Variants in USP14 observed in about 807,000 individuals in gnomAD.
USP14 encodes the protein ubiquitin carboxyl-terminal hydrolase 14.
A neutral mutation model predicts 76.5 loss-of-function variants in USP14; 38 were observed. That is an observed-to-expected ratio of 0.50 (90% CI 0.38 to 0.65). The LOEUF is 0.65. Ranked by LOEUF, USP14 falls within the 30% of genes least tolerant of loss-of-function variation. The pLI is 0.00. For synonymous variants in USP14, 192 were observed against 191.7 expected (o/e 1.00, Z -0.01); for missense variants, 467 against 586.5 (o/e 0.80, Z 2.10).
chr18:210,014 CCTTTT>C lies in USP14; in HGVS notation c.1214_1218del (p.Ser405CysfsTer2), dbSNP rs755277317. The C allele has an allele frequency of 6.2e-7, 1 of 1,603,200 alleles. No homozygotes were observed. Among genetic ancestry groups the C allele is most frequent in the South Asian group, 1.1e-5 (1 of 88,526 alleles). On this transcript the variant is annotated frameshift_variant, in exon 14 of 16. Transcript: ENST00000261601. LOFTEE classifies it high-confidence loss of function. ...CCCCAGAAAGAAGTTAAGTATGAAC[CCTTTT>C]CTTTTGCTGATGGTAAGTAACATTC...
chr18:190,231 G>A (rs1194303388), intron 5 of USP14, among the ~76,000 whole-genome samples: 1 of 152,072 alleles, frequency 6.6e-6, no homozygotes, highest in East Asian at 1.9e-4. Flanking sequence ...TGGTGATTAT[G>A]AAAAAATATA....
At chr18:181,068 G>A (rs142423837) in intron 5 of USP14, among the ~76,000 whole-genome samples, 23 of 150,014 alleles carry the variant, frequency 1.5e-4, no homozygotes, top group Non-Finnish European at 3.1e-4. Flanking sequence ...TACAGCACAC[G>A]TAACACCTCA....
chr18:202,893 A>C lies in USP14; in HGVS notation c.890A>C (p.Glu297Ala). The C allele has an allele frequency of 6.2e-7, 1 of 1,614,178 alleles. No homozygotes were observed. Among genetic ancestry groups the C allele is most frequent in the African/African-American group, 1.3e-5 (1 of 75,082 alleles). Residue 297 changes from glutamate (E) to alanine (A), a missense_variant, in exon 11 of 16, where the codon GAA becomes GCA. By Grantham distance (107) the Glu-to-Ala change is moderately radical (BLOSUM62 -1). Coordinates refer to ENST00000261601, the MANE Select transcript of USP14 (RefSeq NM_005151.4). ...FTGLKLRLQE[E>A]ITKQSPTLQR... The stretch of plus-strand genomic sequence containing the variant: ...GTTCTTTCTTAGCGACTTCAGGAAG[A>C]AATCACCAAACAGTCTCCAACGTTG...
At position 193,714 on chromosome 18, in the gene USP14, T is replaced by C. The variant is rs1910154614; in HGVS notation, c.463+814T>C. On this transcript the variant is annotated intron_variant, in intron 6 of 15. Coordinates refer to ENST00000261601, the MANE Select transcript of USP14 (RefSeq NM_005151.4). ...TGTAGTCTCTTGTGACTGGTGTCTT[T>C]CACTTAGTATAATGTTTTCAGGATT... Among the ~76,000 whole-genome samples, 6 of 152,334 alleles carry C rather than the reference T, an allele frequency of 3.9e-5. No homozygotes were observed. The South Asian group carries it at 1.2e-3, about 32-fold the overall frequency.
At chr18:195,612 G>T (rs1214116193) in intron 6 of USP14, among the ~76,000 whole-genome samples, 1 of 152,126 alleles carries the variant, frequency 6.6e-6, no homozygotes, top group Non-Finnish European at 1.5e-5. Context: ...TGGAAAGAAG[G>T]TTTTCTGAAG....
intron 5 of USP14, among the ~76,000 whole-genome samples, chr18:186,856 T>C (rs1000850929): frequency 1.3e-5 from 2 of 152,246 alleles, no homozygotes; most frequent in African/African-American, 4.8e-5. Context: ...TCAAACAGTC[T>C]TAAATTTGTG....
rs144290451 is a variant in USP14 at position 163,513 on chromosome 18, C to G, written c.162+60C>G. 38 of 1,530,080 alleles carry G rather than the reference C, an allele frequency of 2.5e-5. No individual in the cohort carries two copies. The East Asian group carries it at 8.5e-4, about 34-fold the overall frequency. The allele number at this position is 1,530,080 out of a possible 1,614,324, so 94.8% of individuals were successfully genotyped here. On this transcript the variant is annotated intron_variant, in intron 2 of 15. Transcript: ENST00000261601. Reference sequence around the variant, plus strand: ...TTATTGTATACTTTTTGAAAAATAACGCCAGAAAATTATTTAATTTTAATG... The same window carrying G: ...TTATTGTATACTTTTTGAAAAATAAGGCCAGAAAATTATTTAATTTTAATG...
chr18:210,570 T>A (rs1212374669), intron 15 of USP14, 77 bp downstream of exon 15: 8 of 1,137,160 alleles, frequency 7.0e-6, no homozygotes, highest in Non-Finnish European at 9.7e-6. Flanking sequence ...GCAGTGTGGT[T>A]TTCAAACTTT....
At chr18:190,317 A>G (rs1910052444) in intron 5 of USP14, among the ~76,000 whole-genome samples, 1 of 152,196 alleles carries the variant, frequency 6.6e-6, no homozygotes, top group African/African-American at 2.4e-5. Flanking sequence ...ATGCATATGC[A>G]CAAAATATAT....
At chr18:171,425 A>G (rs1232649939) in intron 3 of USP14, among the ~76,000 whole-genome samples, 1 of 151,934 alleles carries the variant, frequency 6.6e-6, no homozygotes, top group African/African-American at 2.4e-5. Flanking sequence ...TGCTAAATCT[A>G]CTCTGCCTGT....
chr18:199,602 A>G (rs1044028409), intron 10 of USP14, among the ~76,000 whole-genome samples: 2 of 152,178 alleles, frequency 1.3e-5, no homozygotes, highest in African/African-American at 4.8e-5. Flanking sequence ...TGACCCCCCA[A>G]GCACAGGGCT....
At chr18:204,763 CT>C (rs1172891395) in intron 13 of USP14, 71 bp downstream of exon 13, 15 of 1,536,458 alleles carry the variant, frequency 9.8e-6, no homozygotes, top group East Asian at 4.6e-5. Flanking sequence ...ATTACTCTGT[CT>C]TTTTTTTCCT....
intron 5 of USP14, among the ~76,000 whole-genome samples, chr18:190,009 G>C (rs1910042641): frequency 6.6e-6 from 1 of 152,112 alleles, no homozygotes; most frequent in Non-Finnish European, 1.5e-5. Flanking sequence ...TACCAGTTTT[G>C]AACTCTATGA....
At chr18:171,048 A>ATATATC (rs1909447226) in intron 3 of USP14, among the ~76,000 whole-genome samples, 1 of 137,786 alleles carries the variant, frequency 7.3e-6, no homozygotes, top group Non-Finnish European at 1.5e-5. Context: ...ATATATATAT[A>ATATATC]TATATATAAA....
At chr18:175,652 A>G (rs1261623204) in intron 3 of USP14, among the ~76,000 whole-genome samples, 1 of 152,096 alleles carries the variant, frequency 6.6e-6, no homozygotes, top group African/African-American at 2.4e-5. Flanking sequence ...CATAAGAGAT[A>G]ATGGTTTGTA....
At position 213,975 on chromosome 18, in the gene USP14, T is replaced by TAGATGATAGATAGA. The variant is rs1555603829; in HGVS notation, c.*2691_*2692insAGATGATAGATAGA. 6.7e-6 allele frequency: 1 copy of TAGATGATAGATAGA among 150,100 alleles called. No homozygotes were observed. The highest frequency in any genetic ancestry group is 2.5e-5 in the African/African-American group (1 of 40,276). The allele number at this position is 150,100 out of a possible 1,614,324, so 9.3% of individuals were successfully genotyped here. On this transcript the variant is annotated 3_prime_UTR_variant, in exon 16 of 16. Transcript: ENST00000261601. ...TTCTGTAATGGACAAGATAGATAGATTAGATAGATAGATAGATAGATAGAT... is the reference window on the plus strand; with the variant it reads ...TTCTGTAATGGACAAGATAGATAGATAGATGATAGATAGATAGATAGATAGATAGATAGATAGAT...
At chr18:191,842 C>G (rs1910098422) in intron 5 of USP14, among the ~76,000 whole-genome samples, 1 of 152,062 alleles carries the variant, frequency 6.6e-6, no homozygotes, top group Non-Finnish European at 1.5e-5. Context: ...AGTATGTACA[C>G]ATAGTTTAAT....
At position 204,710 on chromosome 18, in the gene USP14, A is replaced by G. The variant is rs1482484846; in HGVS notation, c.1164+18A>G. 6.2e-7 allele frequency: 1 copy of G among 1,606,358 alleles called. No individual in the cohort carries two copies. Among genetic ancestry groups the G allele is most frequent in the Non-Finnish European group, 8.5e-7 (1 of 1,178,100 alleles). On this transcript the variant is annotated intron_variant, in intron 13 of 15. Coordinates refer to ENST00000261601, the MANE Select transcript of USP14 (RefSeq NM_005151.4). ...CAAATACAGTAGGTTCTTACTGCTG[A>G]CTTTATACTCTTAATATCTTAATCT...
At chr18:196,403 A>G in intron 6 of USP14, 1 of 309,128 alleles carries the variant, frequency 3.2e-6, no homozygotes, top group Non-Finnish European at 5.9e-6. Flanking sequence ...GTGTGCCTGT[A>G]ATCCCAGCTA....
Sources: allele counts gnomAD v4.1 joint callset (sites outside exome capture counted in the v4.1 genomes callset), GRCh38; gene constraint gnomAD v4.1.1; transcripts MANE v1.5; gene names NCBI Gene and HGNC (gene_info 2026-07-23, HGNC 2026-07-21).